Variants in THRB observed in about 807,000 individuals in gnomAD.
The protein encoded by THRB is thyroid hormone receptor beta, also known as nuclear receptor subfamily 1 group A member 2.
A neutral mutation model predicts 47.8 loss-of-function variants in THRB; 12 were observed. That is an observed-to-expected ratio of 0.25 (90% CI 0.16 to 0.41). The LOEUF is 0.41. Among genes scored for constraint, THRB ranks in the 10% least tolerant of loss-of-function variants. THRB has a pLI of 1.00. For missense variants in THRB, 348 were observed against 589.2 expected (o/e 0.59, Z 4.24); for synonymous variants, 218 against 212.2 (o/e 1.03, Z -0.24).
intron 1 of THRB, among the ~76,000 whole-genome samples, chr3:24,395,228 T>G (rs2066871277): frequency 1.3e-5 from 2 of 152,052 alleles, no homozygotes; most frequent in South Asian, 2.1e-4. Flanking sequence ...TTTTTTTAGA[T>G]ATGACACCAG....
intron 1 of THRB, among the ~76,000 whole-genome samples, chr3:24,367,047 G>C (rs1467281112): frequency 6.6e-6 from 1 of 152,072 alleles, no homozygotes; most frequent in Non-Finnish European, 1.5e-5. Context: ...AAAAACTAAT[G>C]ACACATTCAT....
At chr3:24,480,591 G>GGGA (rs1188459524) in intron 1 of THRB, among the ~76,000 whole-genome samples, 3 of 152,170 alleles carry the variant, frequency 2.0e-5, no homozygotes, top group African/African-American at 7.2e-5. Context: ...GCTCCAAGAA[G>GGGA]GGACTCTTAC....
At chr3:24,316,385 CTT>C (rs931605003) in intron 2 of THRB, among the ~76,000 whole-genome samples, 1 of 150,880 alleles carries the variant, frequency 6.6e-6, no homozygotes, top group Non-Finnish European at 1.5e-5. Flanking sequence ...CCTTTTTTCT[CTT>C]TTCCCTTCTC....
At chr3:24,244,949 C>T (rs2049957988) in intron 3 of THRB, among the ~76,000 whole-genome samples, 1 of 152,206 alleles carries the variant, frequency 6.6e-6, no homozygotes, top group African/African-American at 2.4e-5. Flanking sequence ...TTCTGCTCTT[C>T]TGCCTGTTTC....
intron 4 of THRB, among the ~76,000 whole-genome samples, chr3:24,209,293 T>C (rs2045755554): frequency 6.6e-6 from 1 of 152,012 alleles, no homozygotes; most frequent in Non-Finnish European, 1.5e-5. Flanking sequence ...CTCAAGGATC[T>C]AGAACTATTT....
At chr3:24,154,669 A>C (rs2037527526) in intron 5 of THRB, among the ~76,000 whole-genome samples, 1 of 152,208 alleles carries the variant, frequency 6.6e-6, no homozygotes, top group Admixed American at 6.5e-5. Flanking sequence ...CCTACTTATA[A>C]AACACAAAGT....
At chr3:24,196,102 C>A (rs903660695) in intron 4 of THRB, among the ~76,000 whole-genome samples, 9 of 152,162 alleles carry the variant, frequency 5.9e-5, no homozygotes, top group African/African-American at 2.2e-4. Flanking sequence ...ATTATCATCC[C>A]TGTTTTACAT....
At chr3:24,285,199 T>C (rs2055134214) in intron 3 of THRB, among the ~76,000 whole-genome samples, 1 of 148,712 alleles carries the variant, frequency 6.7e-6, no homozygotes, top group African/African-American at 2.6e-5. Context: ...CCAACAATGA[T>C]AGACTGGATT....
chr3:24,278,093 G>C (rs1044317758), intron 3 of THRB, among the ~76,000 whole-genome samples: 1 of 152,152 alleles, frequency 6.6e-6, no homozygotes, highest in African/African-American at 2.4e-5. Context: ...AATAATGTTA[G>C]AGAACAGAAG....
chr3:24,349,451 A>G (rs915973339), intron 1 of THRB, among the ~76,000 whole-genome samples: 4 of 152,172 alleles, frequency 2.6e-5, no homozygotes, highest in African/African-American at 9.6e-5. Flanking sequence ...TACCAGTTAC[A>G]GGATTATAAA....
intron 3 of THRB, among the ~76,000 whole-genome samples, chr3:24,258,326 G>A (rs2051543654): frequency 1.3e-5 from 2 of 152,102 alleles, no homozygotes; most frequent in African/African-American, 4.8e-5. Flanking sequence ...CCCCTGGGCA[G>A]GCCTGATTTC....
intron 6 of THRB, 28 bp from the exon 7 acceptor site, chr3:24,146,850 A>G: frequency 6.2e-7 from 1 of 1,608,906 alleles, no homozygotes; most frequent in Non-Finnish European, 8.5e-7. Context: ...ACCCAAGACA[A>G]CAGTTTCATA....
In THRB at chr3:24,380,482, C is replaced by A. The variant is rs368590794; in HGVS notation, c.-260-43111G>T. ...TACTTCTTTGATTGTACCCTTCCCC[C>A]TCCTCTCCACCAGAGAATTCCTATC... On this transcript the variant is annotated intron_variant, in intron 1 of 10. Transcript: ENST00000646209. 2.9e-4 allele frequency among the ~76,000 whole-genome samples: 44 copies of A among 152,200 alleles called. 1 individual carries two copies. Among genetic ancestry groups the A allele is most frequent in the South Asian group, 2.5e-3 (12 of 4,814 alleles).
At chr3:24,239,748 T>C (rs559055189) in intron 3 of THRB, among the ~76,000 whole-genome samples, 7 of 152,158 alleles carry the variant, frequency 4.6e-5, no homozygotes, top group Non-Finnish European at 1.0e-4. Context: ...ATTTAGAATG[T>C]GTATTTCCTG....
At chr3:24,128,894 T>G (rs2033377684) in intron 9 of THRB, among the ~76,000 whole-genome samples, 1 of 139,728 alleles carries the variant, frequency 7.2e-6, no homozygotes, top group South Asian at 2.4e-4. Flanking sequence ...TTTTTTACCA[T>G]GGATATGACT....
chr3:24,275,782 G>T (rs576733878), intron 3 of THRB, among the ~76,000 whole-genome samples: 1 of 152,184 alleles, frequency 6.6e-6, no homozygotes, highest in African/African-American at 2.4e-5. Context: ...GTGTACAGTT[G>T]AATCAATTGA....
At chr3:24,308,949 T>G (rs575766863) in intron 2 of THRB, among the ~76,000 whole-genome samples, 2 of 152,174 alleles carry the variant, frequency 1.3e-5, no homozygotes, top group Non-Finnish European at 2.9e-5. Flanking sequence ...CCATTTAAAC[T>G]GCCATACCCA....
At chr3:24,297,717 A>G (rs2056565971) in intron 2 of THRB, among the ~76,000 whole-genome samples, 1 of 152,146 alleles carries the variant, frequency 6.6e-6, no homozygotes, top group South Asian at 2.1e-4. Context: ...TGTTTTAGAG[A>G]GCTGTTCCAC....
Position 24,462,837 on chromosome 3 carries a change from C to T in THRB, c.-261+31815G>A, listed in dbSNP as rs112479756. Among the ~76,000 whole-genome samples the T allele has an allele frequency of 1.9e-3, 290 of 152,246 alleles. 4 individuals are homozygous for T. The South Asian group carries it at 0.03, about 16-fold the overall frequency. On this transcript the variant is annotated intron_variant, in intron 1 of 10. Coordinates refer to ENST00000646209, the MANE Select transcript of THRB (RefSeq NM_001354712.2). ...GTCACCCAGAAGCCTGGGAAAAATA[C>T]CCAGTTTCTCAGGCTACCAAGCTCA...
Sources: allele counts gnomAD v4.1 joint callset (sites outside exome capture counted in the v4.1 genomes callset), GRCh38; gene constraint gnomAD v4.1.1; transcripts MANE v1.5; gene names NCBI Gene and HGNC (gene_info 2026-07-23, HGNC 2026-07-21).